PCDHGB2: variants seen among roughly 807,000 people sequenced by gnomAD.
PCDHGB2 encodes the protein protocadherin gamma subfamily B, 2, also known as protocadherin gamma-B2.
Under a neutral mutation model 59.3 loss-of-function variants are expected in PCDHGB2, and 55 were observed. That is an observed-to-expected ratio of 0.93 (90% CI 0.75 to 1.16). The LOEUF (loss-of-function observed/expected upper bound fraction) is 1.16. PCDHGB2 is among the 50% of genes most tolerant of loss of function. PCDHGB2 has a pLI of 0.00. For synonymous variants in PCDHGB2, 516 were observed against 512.0 expected, an observed-to-expected ratio of 1.01 and a Z score of -0.11; for missense variants, 1,228 against 1,198.5, an observed-to-expected ratio of 1.02 and a Z score of -0.36.
chr5:141,406,757 A>C (rs1274112027), intron 1 of PCDHGB2, among the ~76,000 whole-genome samples: 3 of 152,230 alleles, frequency 2.0e-5, no homozygotes, highest in Non-Finnish European at 4.4e-5. Context: ...CAAAACAAGG[A>C]ATTAAAAATA....
rs1361609314 is a variant in PCDHGB2 at position 141,423,642 on chromosome 5, TGACCC to T, written c.2421+61090_2421+61094del. 6 of 1,596,888 alleles carry T rather than the reference TGACCC, an allele frequency of 3.8e-6. No individual in the cohort carries two copies. In the South Asian group the frequency reaches 5.7e-5, roughly 15 times the overall value. ...ACTCAGCTATCATTTTAGGCAAATGTGACCCGACAAGTAATCAGGTGAGATTTATT... is the reference window on the plus strand; with the variant it reads ...ACTCAGCTATCATTTTAGGCAAATGTGACAAGTAATCAGGTGAGATTTATT... On this transcript the variant is annotated intron_variant, in intron 1 of 3. Transcript: ENST00000522605.
At chr5:141,418,045 G>A (rs754041387) in intron 1 of PCDHGB2, 2 of 1,614,002 alleles carry the variant, frequency 1.2e-6, no homozygotes, top group East Asian at 2.2e-5. Flanking sequence ...TGGATGTGTC[G>A]GCTCGCGAGC....
chr5:141,476,839 G>A lies in PCDHGB2; in HGVS notation c.2422-17968G>A, dbSNP rs372676286. The A allele has an allele frequency of 5.0e-6, 8 of 1,613,490 alleles. No homozygotes were observed. Among genetic ancestry groups the A allele is most frequent in the South Asian group, 1.1e-5 (1 of 91,088 alleles). On this transcript the variant is annotated intron_variant, in intron 1 of 3. Transcript: ENST00000522605. The surrounding 1 kb of genome is among the most constrained non-coding windows in gnomAD (Gnocchi z 7.6). ...AGGTGCTGGACGCGAATGACAATGC[G>A]CCTGTCTTCAACCAGTCCTTGTACC...
chr5:141,380,372 C>A (rs73265858), intron 1 of PCDHGB2, among the ~76,000 whole-genome samples: 1 of 151,948 alleles, frequency 6.6e-6, no homozygotes. Context: ...AAAAAAAAGT[C>A]CCAAAAAAGA....
At position 141,414,140 on chromosome 5, in the gene PCDHGB2, A is replaced by G. The variant is rs764980296; in HGVS notation, c.2421+51584A>G. ...GAAGAAACCGGTTTCTATGAAATAG[A>G]AATACAAGCAGAAGATGGAGGAGCA... On this transcript the variant is annotated intron_variant, in intron 1 of 3. Transcript: ENST00000522605. 4 of 1,596,912 alleles carry G rather than the reference A, an allele frequency of 2.5e-6. No individual in the cohort carries two copies. In the African/African-American group the frequency reaches 5.4e-5, roughly 21 times the overall value.
intron 1 of PCDHGB2, chr5:141,371,512 A>ATCTCTAGATC: frequency 6.2e-7 from 1 of 1,613,868 alleles, no homozygotes; most frequent in Non-Finnish European, 8.5e-7. Flanking sequence ...AAAACACATG[A>ATCTCTAGATC]TCTAGATTCT....
At chr5:141,400,217 T>A (rs771117256) in intron 1 of PCDHGB2, 1 of 1,613,916 alleles carries the variant, frequency 6.2e-7, no homozygotes, top group Non-Finnish European at 8.5e-7. Flanking sequence ...TTGATCTCAG[T>A]GCTCTTCCTC....
chr5:141,441,136 GA>G (rs1379465827), intron 1 of PCDHGB2: 2 of 152,304 alleles, frequency 1.3e-5, no homozygotes, highest in Middle Eastern at 3.4e-3. Flanking sequence ...CGAATTTCTA[GA>G]AGATAATGAC....
chr5:141,483,589 G>A (rs189449393), intron 1 of PCDHGB2, among the ~76,000 whole-genome samples: 17 of 152,214 alleles, frequency 1.1e-4, no homozygotes, highest in Admixed American at 1.1e-3. Context: ...ACACCTAATA[G>A]GTCAGGCTGG....
intron 1 of PCDHGB2, chr5:141,383,516 G>A (rs757438983): frequency 3.0e-5 from 49 of 1,612,406 alleles, no homozygotes; most frequent in Non-Finnish European, 3.6e-5. Flanking sequence ...GAGGAAGAGC[G>A]GGTTCACCAC....
intron 1 of PCDHGB2, chr5:141,375,654 A>G (rs1771718244): frequency 6.2e-7 from 1 of 1,614,106 alleles, no homozygotes. Context: ...GACTATGAGC[A>G]GTTGAGAGAC....
Position 141,430,800 on chromosome 5 carries a change from T to C in PCDHGB2, c.2422-64007T>C, listed in dbSNP as rs770490590. 2.6e-6 allele frequency: 4 copies of C among 1,524,818 alleles called. No homozygotes were observed. In the South Asian group the frequency reaches 5.3e-5, roughly 20 times the overall value. 94.5% of individuals were successfully genotyped at this position (1,524,818 alleles called of 1,614,324 possible). A position where few individuals can be genotyped will look rare whatever the true frequency, so the allele number is the denominator to read the frequency against. ...CTGCACCGGGACTACAAAGGGCTTG[T>C]CCTGCTGGGAATCCTCCTGGGGACT... is the stretch of plus-strand genomic sequence containing the variant. On this transcript the variant is annotated intron_variant, in intron 1 of 3. Transcript: ENST00000522605.
chr5:141,413,224 C>G, intron 1 of PCDHGB2: 1 of 1,613,790 alleles, frequency 6.2e-7, no homozygotes, highest in Non-Finnish European at 8.5e-7. Context: ...TTGCAGCGGG[C>G]TGGTCCTGCT....
At chr5:141,446,128 G>T (rs1242643475) in intron 1 of PCDHGB2, among the ~76,000 whole-genome samples, 1 of 152,188 alleles carries the variant, frequency 6.6e-6, no homozygotes, top group Admixed American at 6.5e-5. Context: ...GGTTCAATAA[G>T]ACTTAATAAT....
intron 1 of PCDHGB2, chr5:141,371,200 T>A (rs2149980452): frequency 6.2e-7 from 1 of 1,614,034 alleles, no homozygotes; most frequent in East Asian, 2.2e-5. Context: ...GCCATTGACA[T>A]GGATGAGGGC....
At chr5:141,409,761 T>C (rs1373037367) in intron 1 of PCDHGB2, 1 of 1,612,966 alleles carries the variant, frequency 6.2e-7, no homozygotes, top group African/African-American at 1.3e-5. Flanking sequence ...CAGCGCGCCT[T>C]TGATCACGAG....
Position 141,476,977 on chromosome 5 carries a change from C to A in PCDHGB2, c.2422-17830C>A, listed in dbSNP as rs141692339. On this transcript the variant is annotated intron_variant, in intron 1 of 3. Coordinates refer to ENST00000522605, the MANE Select transcript of PCDHGB2 (RefSeq NM_018923.3). The surrounding 1 kb of genome is among the most constrained non-coding windows in gnomAD (Gnocchi z 7.6). The stretch of plus-strand genomic sequence containing the variant: ...TTATTTACTCCTTCGGCAGCCACAA[C>A]CGCGCCGGCGTGCGGCAACTATTCG... 6.2e-7 allele frequency: 1 copy of A among 1,614,232 alleles called. No individual in the cohort carries two copies. The highest frequency in any genetic ancestry group is 8.5e-7 in the Non-Finnish European group (1 of 1,180,040).
chr5:141,494,142 A>G (rs2099752161), intron 1 of PCDHGB2, among the ~76,000 whole-genome samples: 1 of 152,090 alleles, frequency 6.6e-6, no homozygotes, highest in South Asian at 2.1e-4. Context: ...TTAGTCACAG[A>G]CCATTGTCTG....
intron 1 of PCDHGB2, chr5:141,402,981 G>A (rs375892904): frequency 1.2e-6 from 2 of 1,608,410 alleles, no homozygotes; most frequent in Non-Finnish European, 1.7e-6. Flanking sequence ...TGCCAGCTCC[G>A]CGGAAGATTA....
Sources: gnomAD v4.1 joint callset for allele counts (sites outside exome capture counted in the v4.1 genomes callset) on GRCh38, gnomAD v4.1.1 for gene constraint, Gnocchi (gnomAD v3.1) non-coding constraint, MANE v1.5 for transcripts, NCBI Gene and HGNC (gene_info 2026-07-23, HGNC 2026-07-21) for gene names.